Variants in ZNF469 observed in about 807,000 individuals in gnomAD.
The protein encoded by ZNF469 is zinc finger protein 469.
Under a neutral mutation model 1.0 loss-of-function variants are expected in ZNF469, and 1 was observed. The observed-to-expected ratio is 1.00, with a 90% confidence interval of 0.35 to 4.73. ZNF469 has a LOEUF of 4.73. ZNF469 is among the 30% of genes most tolerant of loss of function. ZNF469 has a pLI of 0.16. For synonymous variants in ZNF469, 2,703 were observed against 2,363.4 expected (o/e 1.14, Z -4.17); for missense variants, 6,100 against 5,356.3 (o/e 1.14, Z -4.33).
At position 88,435,446 on chromosome 16, in the gene ZNF469, G is replaced by A. The variant is rs535466615; in HGVS notation, c.7976G>A (p.Gly2659Glu). Reference sequence around the variant, plus strand: ...GTCTCTGCTGATGTGATTTCAGATGGGCGCGGCTCCAGACCATCCCCTGCA... The same window carrying A: ...GTCTCTGCTGATGTGATTTCAGATGAGCGCGGCTCCAGACCATCCCCTGCA... ...LPVSADVISD[G>E]RGSRPSPAMA... Residue 2659 changes from glycine (G) to glutamate (E), a missense_variant, in exon 3 of 3, where the codon GGG becomes GAG. Physicochemically the swap from Gly to Glu is moderately conservative, Grantham distance 98. Transcript: ENST00000565624. 5.8e-6 allele frequency: 9 copies of A among 1,550,000 alleles called. No homozygotes were observed. In the African/African-American group the frequency reaches 9.6e-5, roughly 16 times the overall value.
At chr16:88,369,463 G>C in the ZNF469 span, among the ~76,000 whole-genome samples, 1 of 152,178 alleles carries the variant, frequency 6.6e-6, no homozygotes, top group Non-Finnish European at 1.5e-5. Flanking sequence ...ATTGCAGGGG[G>C]CACCCAAGCC....
At chr16:88,135,577 G>A in the ZNF469 span, among the ~76,000 whole-genome samples, 4 of 152,094 alleles carry the variant, frequency 2.6e-5, no homozygotes, top group Non-Finnish European at 4.4e-5. Context: ...CACGTTAGCT[G>A]TTGGTGAGGA....
intron 1 of ZNF469, among the ~76,000 whole-genome samples, chr16:88,405,137 C>A (rs183131723): frequency 7.2e-5 from 11 of 152,188 alleles, no homozygotes; most frequent in African/African-American, 2.6e-4. Context: ...TGGTGGTGGA[C>A]AGGCAAGGAA....
the ZNF469 span, among the ~76,000 whole-genome samples, chr16:88,166,025 G>A: frequency 3.3e-5 from 5 of 152,200 alleles, no homozygotes; most frequent in African/African-American, 9.7e-5. The surrounding 1 kb of genome is among the most constrained non-coding windows in gnomAD (Gnocchi z 4.5). Context: ...CTATTGTTAC[G>A]CACCCAGGGG....
chr16:88,203,728 C>CTGTGTGTG, the ZNF469 span, among the ~76,000 whole-genome samples: 3,625 of 150,076 alleles, frequency 0.024, 62 homozygotes, highest in Non-Finnish European at 0.038. Context: ...GTGTCTGTCC[C>CTGTGTGTG]TGTGTGTGTG....
Position 88,433,454 on chromosome 16 carries a change from A to G in ZNF469, c.5984A>G (p.Gln1995Arg). The G allele has an allele frequency of 1.3e-6, 2 of 1,550,400 alleles. No individual in the cohort carries two copies. The highest frequency in any genetic ancestry group is 2.4e-5 in the South Asian group (2 of 84,066). Residue 1995 changes from glutamine to arginine, a missense_variant, in exon 3 of 3, where the codon CAA becomes CGA. Coordinates refer to ENST00000565624, the MANE Select transcript of ZNF469 (RefSeq NM_001367624.2). ...GGCCAAGCCGAGAAAACCCAGGGCC[A>G]AGGCACAGCCAACCAGCTTCAGCCA... ...LLGQAEKTQG[Q>R]GTANQLQPEN...
chr16:88,150,813 G>T, the ZNF469 span, among the ~76,000 whole-genome samples: 8 of 152,004 alleles, frequency 5.3e-5, no homozygotes, highest in Non-Finnish European at 1.0e-4. Context: ...ACATGAAACT[G>T]GCCCGGCCGT....
the ZNF469 span, among the ~76,000 whole-genome samples, chr16:88,227,309 A>T: frequency 6.6e-6 from 1 of 152,144 alleles, no homozygotes; most frequent in Non-Finnish European, 1.5e-5. Context: ...GGAAGCGGGG[A>T]AGGGGGAGGA....
the ZNF469 span, among the ~76,000 whole-genome samples, chr16:88,105,077 C>T: frequency 2.0e-5 from 3 of 152,154 alleles, no homozygotes; most frequent in African/African-American, 4.8e-5. Context: ...AAAAATTAGC[C>T]AGGGGTGGTG....
the ZNF469 span, among the ~76,000 whole-genome samples, chr16:88,124,303 G>A: frequency 6.6e-6 from 1 of 152,152 alleles, no homozygotes; most frequent in Non-Finnish European, 1.5e-5. Flanking sequence ...GTGCAATCAT[G>A]GCTCACTGCA....
the ZNF469 span, among the ~76,000 whole-genome samples, chr16:88,216,797 G>C: frequency 1.3e-5 from 2 of 152,062 alleles, no homozygotes; most frequent in African/African-American, 4.8e-5. Context: ...TGTCCCATTT[G>C]TCTCTAACAT....
chr16:88,413,419 C>T (rs903523711), intron 1 of ZNF469, among the ~76,000 whole-genome samples: 3 of 152,086 alleles, frequency 2.0e-5, no homozygotes, highest in African/African-American at 4.8e-5. Flanking sequence ...AGAGGCCCAG[C>T]AGGCCGAGGC....
the ZNF469 span, among the ~76,000 whole-genome samples, chr16:88,221,920 T>G: frequency 6.6e-6 from 1 of 152,152 alleles, no homozygotes; most frequent in Admixed American, 6.5e-5. Flanking sequence ...CCCTCCCTAC[T>G]TCAGAACAAT....
At chr16:88,150,030 A>G in the ZNF469 span, among the ~76,000 whole-genome samples, 2 of 152,246 alleles carry the variant, frequency 1.3e-5, no homozygotes, top group Non-Finnish European at 2.9e-5. Flanking sequence ...TTTGTTGGTT[A>G]GGAGCAGTGA....
At chr16:88,204,664 C>G in the ZNF469 span, among the ~76,000 whole-genome samples, 1 of 152,246 alleles carries the variant, frequency 6.6e-6, no homozygotes, top group East Asian at 1.9e-4. Flanking sequence ...AAATCAGGCA[C>G]AAGGCACCCA....
chr16:88,231,364 CCTGA>C, the ZNF469 span, among the ~76,000 whole-genome samples: 4 of 152,206 alleles, frequency 2.6e-5, no homozygotes, highest in African/African-American at 7.2e-5. The surrounding 1 kb of genome is among the most constrained non-coding windows in gnomAD (Gnocchi z 4.5). Context: ...TCGCCCTAAG[CCTGA>C]AGGCTGGGGT....
chr16:88,436,614 G>A lies in ZNF469; in HGVS notation c.9144G>A (p.Val3048=), dbSNP rs2142313557. 6.5e-7 allele frequency: 1 copy of A among 1,550,350 alleles called. No individual in the cohort carries two copies. Among genetic ancestry groups the A allele is most frequent in the South Asian group, 1.2e-5 (1 of 84,066 alleles). Residue 3048 remains valine (V), a synonymous_variant, in exon 3 of 3, where the codon GTG becomes GTA. Transcript: ENST00000565624. Reference sequence around the variant, plus strand: ...CGCTCCGTGCCACGGACTTTGAGGTGCTCAGCACCAAGTTTGAGATGCAAG... The same window carrying A: ...CGCTCCGTGCCACGGACTTTGAGGTACTCAGCACCAAGTTTGAGATGCAAG... ...LLPLRATDFE[V]LSTKFEMQDL... is the part of the protein sequence containing the mutation.
At chr16:88,119,627 C>T in the ZNF469 span, among the ~76,000 whole-genome samples, 1 of 152,198 alleles carries the variant, frequency 6.6e-6, no homozygotes, top group African/African-American at 2.4e-5. Flanking sequence ...GGGGTGGAGA[C>T]ACAGGTGCCG....
chr16:88,335,014 G>T, the ZNF469 span, among the ~76,000 whole-genome samples: 1 of 152,252 alleles, frequency 6.6e-6, no homozygotes, highest in Non-Finnish European at 1.5e-5. Flanking sequence ...GGACACATGT[G>T]TGATGGAGAC....
Sources: gnomAD v4.1 joint callset for allele counts (sites outside exome capture counted in the v4.1 genomes callset) on GRCh38, gnomAD v4.1.1 for gene constraint, Gnocchi (gnomAD v3.1) non-coding constraint, MANE v1.5 for transcripts, NCBI Gene and HGNC (gene_info 2026-07-23, HGNC 2026-07-21) for gene names.